Variants in CENPF observed in about 807,000 individuals in gnomAD.
CENPF encodes the protein centromere protein F.
In CENPF, 214 loss-of-function variants were observed where a neutral mutation model predicts 307.3. The ratio of observed to expected loss-of-function variants is 0.70; its 90% CI spans 0.62 to 0.78. The LOEUF (loss-of-function observed/expected upper bound fraction) is 0.78. CENPF is among the 30% of genes least tolerant of loss of function. CENPF has a pLI of 0.00. For synonymous variants in CENPF, 1,259 were observed against 1,270.6 expected, an observed-to-expected ratio of 0.99 and a Z score of 0.19; for missense variants, 3,401 against 3,483.9, an observed-to-expected ratio of 0.98 and a Z score of 0.60.
intron 6 of CENPF, 96 bp from the exon 7 acceptor site, chr1:214,621,983 C>CA: frequency 1.0e-6 from 1 of 1,001,666 alleles, no homozygotes; most frequent in Non-Finnish European, 1.5e-6. Flanking sequence ...TTTGTTTCGT[C>CA]AAAGATTTCA....
In CENPF at chr1:214,663,731, A is replaced by C. The variant is rs1296454001; in HGVS notation, c.9282A>C (p.Arg3094=). Residue 3094 remains arginine (R), a synonymous_variant, in exon 20 of 20, where the codon CGA becomes CGC. Transcript: ENST00000366955. The stretch of plus-strand genomic sequence containing the variant: ...AGGGCCTGAGGGTCAAGCGAGGCCG[A>C]CTTGTCCCCAGCCCCAAAGCTGGAC... ...PREGLRVKRG[R]LVPSPKAGLE... 6.2e-7 allele frequency: 1 copy of C among 1,614,090 alleles called. No homozygotes were observed. Among genetic ancestry groups the C allele is most frequent in the East Asian group, 2.2e-5 (1 of 44,854 alleles).
chr1:214,656,874 C>T (rs992371945), intron 17 of CENPF, 59 bp from the exon 18 acceptor site: 4 of 1,108,912 alleles, frequency 3.6e-6, no homozygotes, highest in Non-Finnish European at 5.2e-6. Context: ...CTTCACGATG[C>T]CCATTGTTAA....
intron 16 of CENPF, 140 bp downstream of exon 16, chr1:214,653,129 C>T (rs1036835162): frequency 1.3e-6 from 1 of 781,966 alleles, no homozygotes; most frequent in Non-Finnish European, 2.2e-6. Flanking sequence ...CATCAGTTCT[C>T]TGCTGAGTTA....
chr1:214,645,434 T>C lies in CENPF; in HGVS notation c.5864T>C (p.Val1955Ala), dbSNP rs1658262692. ...VIVCLEEELS[V>A]VTSERNQLRG... ...GTCTGCCTTGAAGAAGAACTCTCAG[T>C]GGTCACAAGTGAGAGAAACCAGCTT... Residue 1955 changes from valine (V) to alanine (A), a missense_variant, in exon 13 of 20, where the codon GTG (valine) becomes GCG (alanine). Physicochemically the swap from Val to Ala is moderately conservative, Grantham distance 64. Transcript: ENST00000366955. 2 of 1,613,974 alleles carry C rather than the reference T, an allele frequency of 1.2e-6. No individual in the cohort carries two copies. Among genetic ancestry groups the C allele is most frequent in the Middle Eastern group, 1.6e-4 (1 of 6,062 alleles).
intron 7 of CENPF, among the ~76,000 whole-genome samples, chr1:214,627,595 C>T (rs1347511072): frequency 6.7e-6 from 1 of 150,000 alleles, no homozygotes; most frequent in Non-Finnish European, 1.5e-5. Context: ...AGGCTGGTCT[C>T]AAACTCCTGA....
At chr1:214,662,132 A>C (rs541727344) in intron 19 of CENPF, among the ~76,000 whole-genome samples, 8 of 152,250 alleles carry the variant, frequency 5.3e-5, no homozygotes, top group African/African-American at 1.9e-4. Context: ...ATAGGCTCAA[A>C]CTTTCTGTTT....
intron 17 of CENPF, among the ~76,000 whole-genome samples, chr1:214,655,694 G>T (rs28477192): frequency 6.6e-6 from 1 of 151,982 alleles, no homozygotes; most frequent in Non-Finnish European, 1.5e-5. Flanking sequence ...ACCTCAAAGC[G>T]ATCCTCCCAC....
At chr1:214,649,750 T>C (rs1227532572) in intron 14 of CENPF, among the ~76,000 whole-genome samples, 1 of 152,202 alleles carries the variant, frequency 6.6e-6, no homozygotes, top group Non-Finnish European at 1.5e-5. Flanking sequence ...AAATCTCTTT[T>C]GGTGTTGAGT....
Position 214,641,391 on chromosome 1 carries a change from A to G in CENPF, c.3053A>G (p.Tyr1018Cys). 1.3e-6 allele frequency: 2 copies of G among 1,583,164 alleles called. No homozygotes were observed. The highest frequency in any genetic ancestry group is 1.7e-6 in the Non-Finnish European group (2 of 1,172,342). Residue 1018 changes from tyrosine to cysteine, a missense_variant, in exon 12 of 20, where the codon TAC becomes TGC. Tyr to Cys is a radical substitution (Grantham distance 194). Coordinates refer to ENST00000366955, the MANE Select transcript of CENPF (RefSeq NM_016343.4). ...AGCATTTCAGAGTTATCTGATCAGTACAAGCAAGAAAAACTTATTTTACTA... is the reference window on the plus strand; with the variant it reads ...AGCATTTCAGAGTTATCTGATCAGTGCAAGCAAGAAAAACTTATTTTACTA... ...EKSISELSDQ[Y>C]KQEKLILLQR...
intron 13 of CENPF, chr1:214,647,884 A>T: frequency 2.5e-6 from 1 of 398,464 alleles, no homozygotes; most frequent in South Asian, 1.9e-5. Context: ...CAGAGCACTC[A>T]TGGCTTCTAG....
intron 4 of CENPF, 65 bp from the exon 5 acceptor site, chr1:214,619,064 G>C (rs1657435046): frequency 2.4e-6 from 2 of 830,774 alleles, no homozygotes; most frequent in Non-Finnish European, 3.9e-6. Flanking sequence ...AATCGTTGTT[G>C]ATCTGTGAAT....
At chr1:214,627,503 A>G (rs1376762823) in intron 7 of CENPF, among the ~76,000 whole-genome samples, 1 of 149,814 alleles carries the variant, frequency 6.7e-6, no homozygotes, top group East Asian at 2.0e-4. Context: ...CCTCCTGGGT[A>G]GCTGGGATTA....
chr1:214,654,500 G>A (rs1658579180), intron 16 of CENPF: 1 of 152,198 alleles, frequency 6.6e-6, no homozygotes, highest in Admixed American at 6.5e-5. Context: ...GAGCCCAGGA[G>A]GTCACACAGT....
rs1328757518 is a variant in CENPF, at chr1:214,652,921, A to G, written c.8254A>G (p.Ser2752Gly). Residue 2752 changes from serine to glycine, a missense_variant, in exon 16 of 20, where the codon AGT becomes GGT. Coordinates refer to ENST00000366955, the MANE Select transcript of CENPF (RefSeq NM_016343.4). ...QKLEIDLLKS[S>G]KEELNNSLKA... Reference sequence around the variant, plus strand: ...GCTGGAGATAGACCTTTTAAAGTCTAGTAAAGAAGAGCTCAATAATTCATT... The same window carrying G: ...GCTGGAGATAGACCTTTTAAAGTCTGGTAAAGAAGAGCTCAATAATTCATT... The G allele has an allele frequency of 4.4e-6, 7 of 1,607,944 alleles. No individual in the cohort carries two copies. Among genetic ancestry groups the G allele is most frequent in the Non-Finnish European group, 5.1e-6 (6 of 1,178,016 alleles).
At chr1:214,621,850 T>G (rs977742043) in intron 6 of CENPF, among the ~76,000 whole-genome samples, 1 of 152,200 alleles carries the variant, frequency 6.6e-6, no homozygotes, top group Non-Finnish European at 1.5e-5. Flanking sequence ...CCAAGTTTCT[T>G]TGTTAAAATG....
intron 1 of CENPF, among the ~76,000 whole-genome samples, chr1:214,611,206 G>T (rs1657192299): frequency 6.6e-6 from 1 of 152,136 alleles, no homozygotes; most frequent in Non-Finnish European, 1.5e-5. Context: ...GTTTTTTCTA[G>T]TTCTGTGAAC....
chr1:214,629,927 G>A (rs1019620609), intron 8 of CENPF, among the ~76,000 whole-genome samples: 73 of 152,260 alleles, frequency 4.8e-4, no homozygotes, highest in African/African-American at 1.7e-3. Flanking sequence ...AAAGTGGTTG[G>A]CAGAAGAGTG....
At chr1:214,652,079 T>A (rs1256040941) in intron 15 of CENPF, among the ~76,000 whole-genome samples, 193 bp downstream of exon 15, 3 of 150,616 alleles carry the variant, frequency 2.0e-5, no homozygotes, top group Admixed American at 2.0e-4. Context: ...TTTTTTTTTT[T>A]TTTTTTTGAG....
At chr1:214,632,291 G>A (rs936991080) in intron 9 of CENPF, among the ~76,000 whole-genome samples, 189 bp from the exon 10 acceptor site, 7 of 152,040 alleles carry the variant, frequency 4.6e-5, no homozygotes, top group African/African-American at 1.2e-4. Context: ...ATATGCAGCC[G>A]CTGAGTGACG....
Sources: gnomAD v4.1 joint callset for allele counts (sites outside exome capture counted in the v4.1 genomes callset) on GRCh38, gnomAD v4.1.1 for gene constraint, MANE v1.5 for transcripts, NCBI Gene and HGNC (gene_info 2026-07-23, HGNC 2026-07-21) for gene names.